The following TAF15 variants were observed in gnomAD, a reference collection of about 807,000 sequenced individuals.
TAF15 encodes the protein TATA-binding protein-associated factor 2N.
TAF15 carries 37 observed loss-of-function variants against 102.5 expected under a neutral mutation model. The ratio of observed to expected loss-of-function variants is 0.36; its 90% CI spans 0.28 to 0.47. TAF15 has a LOEUF of 0.47. Among genes scored for constraint, TAF15 ranks in the 20% least tolerant of loss-of-function variants. The pLI is 0.99. For synonymous variants in TAF15, 273 were observed against 259.2 expected (o/e 1.05, Z -0.51); for missense variants, 652 against 760.7 (o/e 0.86, Z 1.68).
intron 1 of TAF15, among the ~76,000 whole-genome samples, chr17:35,812,730 T>G (rs1012298347): frequency 1.3e-5 from 2 of 151,902 alleles, no homozygotes; most frequent in African/African-American, 4.8e-5. Context: ...TTCACTGAAA[T>G]GAGAGTCAAT....
chr17:35,837,920 TA>T (rs1359386405), intron 10 of TAF15, among the ~76,000 whole-genome samples: 1 of 151,982 alleles, frequency 6.6e-6, no homozygotes, highest in Non-Finnish European at 1.5e-5. Context: ...CTGATTCCTG[TA>T]ATCAGCACTT....
chr17:35,835,994 G>A (rs1000649641), intron 9 of TAF15, 138 bp from the exon 10 acceptor site: 1 of 646,330 alleles, frequency 1.5e-6, no homozygotes, highest in Non-Finnish European at 2.7e-6. Context: ...GTTTATATAA[G>A]GTTGTTCTTA....
chr17:35,832,104 T>G (rs2087414978), intron 7 of TAF15, among the ~76,000 whole-genome samples: 1 of 152,124 alleles, frequency 6.6e-6, no homozygotes, highest in Non-Finnish European at 1.5e-5. Context: ...AAAAAACCTC[T>G]GAGATACCTT....
At chr17:35,840,966 A>G (rs1219329775) in intron 11 of TAF15, among the ~76,000 whole-genome samples, 1 of 152,220 alleles carries the variant, frequency 6.6e-6, no homozygotes, top group African/African-American at 2.4e-5. Context: ...CTTGAAGGCT[A>G]AGTCCATTCT....
intron 11 of TAF15, among the ~76,000 whole-genome samples, chr17:35,841,778 G>A (rs1055625207): frequency 6.6e-6 from 1 of 150,550 alleles, no homozygotes; most frequent in Non-Finnish European, 1.5e-5. Flanking sequence ...GCTCACTGCA[G>A]CCTTGAATTC....
Position 35,817,730 on chromosome 17 carries a change from G to T in TAF15, c.22G>T (p.Gly8Cys), listed in dbSNP as rs755427943. The T allele has an allele frequency of 6.2e-7, 1 of 1,613,180 alleles. No homozygotes were observed. Among genetic ancestry groups the T allele is most frequent in the Non-Finnish European group, 8.5e-7 (1 of 1,179,458 alleles). Reference protein sequence around the residue: MSDSGSYGQSGGEQQSYS... With the variant: MSDSGSYCQSGGEQQSYS... Reference sequence around the variant, plus strand: ...ATGTGTTCTAGATTCTGGAAGTTACGGTCAGTCTGGGGGTGAGCAGCAAAG... The same window carrying T: ...ATGTGTTCTAGATTCTGGAAGTTACTGTCAGTCTGGGGGTGAGCAGCAAAG... Residue 8 changes from glycine to cysteine, a missense_variant, in exon 2 of 16, where the codon GGT becomes TGT. By Grantham distance (159) the Gly-to-Cys change is radical. Transcript: ENST00000605844.
chr17:35,828,396 T>G (rs912494786), intron 7 of TAF15, among the ~76,000 whole-genome samples: 1 of 152,190 alleles, frequency 6.6e-6, no homozygotes, highest in East Asian at 1.9e-4. Context: ...GAAAATCTAT[T>G]TAACTCAATA....
intron 2 of TAF15, 124 bp from the exon 3 acceptor site, chr17:35,819,900 G>T: frequency 1.2e-6 from 1 of 835,494 alleles, no homozygotes; most frequent in South Asian, 1.5e-5. Flanking sequence ...GAGACAGGGA[G>T]ATTGATGATT....
intron 7 of TAF15, 80 bp from the exon 8 acceptor site, chr17:35,833,827 A>G: frequency 6.9e-7 from 1 of 1,440,760 alleles, no homozygotes; most frequent in African/African-American, 1.4e-5. Flanking sequence ...TACTTGTGAC[A>G]GTTAAGTGTA....
intron 7 of TAF15, chr17:35,824,407 G>A (rs911596116): frequency 5.8e-5 from 36 of 615,878 alleles, no homozygotes; most frequent in Non-Finnish European, 9.6e-5. Context: ...TATGTTAGTA[G>A]TTAGTTTATG....
chr17:35,818,652 A>G (rs4251731), intron 2 of TAF15: 1 of 151,960 alleles, frequency 6.6e-6, no homozygotes, highest in Non-Finnish European at 1.5e-5. Flanking sequence ...TAAAAAAAAA[A>G]TTTTTTTAAT....
At chr17:35,813,966 C>T (rs974177620) in intron 1 of TAF15, among the ~76,000 whole-genome samples, 1 of 150,788 alleles carries the variant, frequency 6.6e-6, no homozygotes, top group Non-Finnish European at 1.5e-5. Context: ...TAACCATTGA[C>T]TTTGAATTTT....
intron 2 of TAF15, among the ~76,000 whole-genome samples, 153 bp from the exon 3 acceptor site, chr17:35,819,871 C>T (rs2087238943): frequency 1.3e-5 from 2 of 152,066 alleles, no homozygotes; most frequent in African/African-American, 2.4e-5. Context: ...TTGATCGTCA[C>T]CTTTCAATTT....
intron 7 of TAF15, among the ~76,000 whole-genome samples, chr17:35,832,040 T>C (rs193157749): frequency 1.3e-5 from 2 of 152,328 alleles, no homozygotes; most frequent in East Asian, 3.9e-4. Flanking sequence ...ATTGCGCCAC[T>C]GCACTTCAGC....
At chr17:35,838,702 G>T in intron 11 of TAF15, 149 bp downstream of exon 11, 1 of 1,177,480 alleles carries the variant, frequency 8.5e-7, no homozygotes, top group Non-Finnish European at 1.2e-6. Flanking sequence ...TGTACCTTTA[G>T]AAATGAGATG....
intron 8 of TAF15, 171 bp from the exon 9 acceptor site, chr17:35,834,395 A>G (rs2087444816): frequency 1.6e-6 from 1 of 642,922 alleles, no homozygotes; most frequent in Non-Finnish European, 2.6e-6. Context: ...TTGATTTCCT[A>G]AACTTTAAAT....
intron 7 of TAF15, among the ~76,000 whole-genome samples, chr17:35,826,995 AT>A (rs1013344518): frequency 3.3e-5 from 5 of 150,746 alleles, no homozygotes; most frequent in Middle Eastern, 3.2e-3. Context: ...CTGTTTTAAG[AT>A]TTTTTTTTCC....
At position 35,820,046 on chromosome 17, in the gene TAF15, G is replaced by C; in HGVS notation, c.70G>C (p.Gly24Arg). The change falls in exon 3 of 16, where the codon GGC (glycine) becomes CGC (arginine). Residue 24 changes from glycine (G) to arginine (R), a missense_variant. By Grantham distance (125) the Gly-to-Arg change is moderately radical (BLOSUM62 -2). Transcript: ENST00000605844. ...CAGTTATTCTACCTATGGAAATCCA[G>C]GCAGCCAAGGCTATGGACAAGCATC... Reference protein sequence around the residue: ...QQSYSTYGNPGSQGYGQASQS... With the variant: ...QQSYSTYGNPRSQGYGQASQS... 6.2e-7 allele frequency: 1 copy of C among 1,613,972 alleles called. No individual in the cohort carries two copies. The highest frequency in any genetic ancestry group is 8.5e-7 in the Non-Finnish European group (1 of 1,179,910).
intron 1 of TAF15, among the ~76,000 whole-genome samples, chr17:35,814,863 AGT>A (rs1555615397): frequency 3.3e-5 from 5 of 150,866 alleles, no homozygotes; most frequent in Admixed American, 6.6e-5. Flanking sequence ...AAAAAAAAAA[AGT>A]GTGTGTGTAT....
Sources: allele counts gnomAD v4.1 joint callset (sites outside exome capture counted in the v4.1 genomes callset), GRCh38; gene constraint gnomAD v4.1.1; transcripts MANE v1.5; gene names NCBI Gene and HGNC (gene_info 2026-07-23, HGNC 2026-07-21).